ZNF445: variants seen among roughly 807,000 people sequenced by gnomAD.
The protein encoded by ZNF445 is zinc finger protein 168.
In ZNF445, 19 loss-of-function variants were observed where a neutral mutation model predicts 93.9. That is an observed-to-expected ratio of 0.20 (90% CI 0.14 to 0.30). The LOEUF (loss-of-function observed/expected upper bound fraction) is 0.30, where lower values mean the gene tolerates loss of function less well. Among genes scored for constraint, ZNF445 ranks in the 10% least tolerant of loss-of-function variants. The pLI is 1.00. For synonymous variants in ZNF445, 449 were observed against 446.3 expected (o/e 1.01, Z -0.08); for missense variants, 1,058 against 1,259.4 (o/e 0.84, Z 2.42).
rs185276617 is a variant in ZNF445 at position 44,444,654 on chromosome 3, G to A, written c.*1921C>T. On this transcript the variant is annotated 3_prime_UTR_variant, in exon 8 of 8. Coordinates refer to ENST00000396077, the MANE Select transcript of ZNF445 (RefSeq NM_181489.6). ...AACCAAGATGACCAAACCTTCCTGA[G>A]GACAAAGCTGAACAGGCATCAGAAC... 4.6e-5 allele frequency: 7 copies of A among 152,408 alleles called. No homozygotes were observed. Among genetic ancestry groups the A allele is most frequent in the Admixed American group, 3.9e-4 (6 of 15,294 alleles). 9.4% of individuals were successfully genotyped at this position (152,408 alleles called of 1,614,324 possible).
chr3:44,456,705 A>G (rs987279667), intron 2 of ZNF445, among the ~76,000 whole-genome samples: 1 of 152,256 alleles, frequency 6.6e-6, no homozygotes, highest in Non-Finnish European at 1.5e-5. Context: ...ATTCAAAAAC[A>G]AAAACAAAAA....
Position 44,448,311 on chromosome 3 carries a change from G to A in ZNF445, c.1360C>T (p.Leu454=). ...FSLHQRIHSG[L]KGNKKDVCGK... ...CACACGTCCTTTTTGTTCCCTTTCA[G>A]TCCACTATGAATTCTCTGATGTAGG... Residue 454 remains leucine (L), a synonymous_variant, in exon 8 of 8, where the codon CTG becomes TTG. Transcript: ENST00000396077. 1.2e-6 allele frequency: 2 copies of A among 1,614,090 alleles called. No individual in the cohort carries two copies. Among genetic ancestry groups the A allele is most frequent in the South Asian group, 2.2e-5 (2 of 91,072 alleles).
chr3:44,450,675 C>T, intron 5 of ZNF445, 102 bp from the exon 6 acceptor site: 1 of 1,492,648 alleles, frequency 6.7e-7, no homozygotes, highest in Non-Finnish European at 9.0e-7. Context: ...GCAGGATGGA[C>T]CTGGCAAAGG....
At chr3:44,453,248 C>A (rs1463212528) in intron 3 of ZNF445, among the ~76,000 whole-genome samples, 1 of 151,232 alleles carries the variant, frequency 6.6e-6, no homozygotes, top group Non-Finnish European at 1.5e-5. Context: ...TGTGCAGAAT[C>A]ATATATATAT....
In ZNF445 at chr3:44,448,744, C is replaced by CA. The variant is rs774471248; in HGVS notation, c.932-6dup. The CA allele has an allele frequency of 1.1e-5, 17 of 1,602,672 alleles. No homozygotes were observed. Among genetic ancestry groups the CA allele is most frequent in the Non-Finnish European group, 1.4e-5 (17 of 1,176,526 alleles). On this transcript the variant is annotated splice_region_variant and splice_polypyrimidine_tract_variant and intron_variant, in intron 7 of 7. Coordinates refer to ENST00000396077, the MANE Select transcript of ZNF445 (RefSeq NM_181489.6). The stretch of plus-strand genomic sequence containing the variant: ...TTTTACTCTGGAGGTCATCTCCTGA[C>CA]AAAAAATATAACACAAGAGAATGTA...
intron 1 of ZNF445, among the ~76,000 whole-genome samples, chr3:44,468,207 A>G (rs917990655): frequency 6.6e-6 from 1 of 152,140 alleles, no homozygotes; most frequent in Non-Finnish European, 1.5e-5. Context: ...GCCTTTTCCC[A>G]CCTTCATAAC....
chr3:44,452,803 C>T (rs1043261539), intron 3 of ZNF445, among the ~76,000 whole-genome samples: 4 of 151,804 alleles, frequency 2.6e-5, no homozygotes, highest in Non-Finnish European at 4.4e-5. Flanking sequence ...TTAGTTATAC[C>T]CTGTGTCTAT....
intron 1 of ZNF445, among the ~76,000 whole-genome samples, chr3:44,467,903 G>A (rs963029268): frequency 5.9e-5 from 9 of 152,106 alleles, no homozygotes; most frequent in African/African-American, 1.7e-4. Context: ...TAAATTCTTT[G>A]TGGGTTAGAA....
rs1697950165 is a variant in ZNF445 at position 44,451,069 on chromosome 3, A to C, written c.599-107T>G. ...TCCTGGACCCATGAGCAGGTACATA[A>C]TGTTGTTAAATACCCATCTCACATG... On this transcript the variant is annotated intron_variant, in intron 4 of 7. Coordinates refer to ENST00000396077, the MANE Select transcript of ZNF445 (RefSeq NM_181489.6). The C allele has an allele frequency of 1.6e-5, 17 of 1,044,824 alleles. 1 individual carries two copies. In the South Asian group the frequency reaches 2.8e-4, roughly 17 times the overall value. 64.7% of individuals were successfully genotyped at this position (1,044,824 alleles called of 1,614,324 possible).
At chr3:44,473,367 T>C (rs1308457991) in intron 1 of ZNF445, among the ~76,000 whole-genome samples, 1 of 151,180 alleles carries the variant, frequency 6.6e-6, no homozygotes, top group East Asian at 1.9e-4. Flanking sequence ...GGCAGGAGAA[T>C]CGCTTGAACC....
chr3:44,451,551 C>T, intron 3 of ZNF445, 69 bp from the exon 4 acceptor site: 1 of 1,518,698 alleles, frequency 6.6e-7, no homozygotes, highest in East Asian at 2.3e-5. Flanking sequence ...GAAGAGACCA[C>T]ATGACCAATC....
At chr3:44,473,402 C>T (rs375217086) in intron 1 of ZNF445, among the ~76,000 whole-genome samples, 5 of 150,402 alleles carry the variant, frequency 3.3e-5, no homozygotes, top group Admixed American at 6.6e-5. Context: ...TGCAGTGAGC[C>T]GAGATCATGC....
At chr3:44,454,920 C>G (rs1698006757) in intron 3 of ZNF445, 4 of 623,554 alleles carry the variant, frequency 6.4e-6, no homozygotes, top group Non-Finnish European at 1.1e-5. Flanking sequence ...TGATATTCCT[C>G]TGGGAAGGTA....
intron 2 of ZNF445, among the ~76,000 whole-genome samples, chr3:44,456,079 CAT>C (rs1487041634): frequency 6.6e-6 from 1 of 152,088 alleles, no homozygotes; most frequent in African/African-American, 2.4e-5. Flanking sequence ...TTTTTGTAGA[CAT>C]AGATAAATTT....
chr3:44,467,467 T>C (rs1698211098), intron 1 of ZNF445, among the ~76,000 whole-genome samples: 1 of 152,164 alleles, frequency 6.6e-6, no homozygotes, highest in Admixed American at 6.5e-5. Context: ...AGAGTCTCTG[T>C]ACAAGCTTCC....
chr3:44,449,685 A>C, intron 6 of ZNF445, 62 bp from the exon 7 acceptor site: 13 of 1,371,432 alleles, frequency 9.5e-6, no homozygotes, highest in African/African-American at 1.4e-5. Flanking sequence ...ACTCTTCAGG[A>C]CCTCTGGGCC....
At chr3:44,460,906 C>T (rs1183730181) in intron 1 of ZNF445, among the ~76,000 whole-genome samples, 5 of 152,170 alleles carry the variant, frequency 3.3e-5, no homozygotes, top group African/African-American at 1.2e-4. Context: ...GTTCAGTGGC[C>T]CCCCTCCAGC....
intron 2 of ZNF445, among the ~76,000 whole-genome samples, chr3:44,456,532 A>G (rs989551439): frequency 5.3e-5 from 8 of 152,264 alleles, no homozygotes; most frequent in African/African-American, 1.2e-4. Context: ...ACTTATAGCT[A>G]TATTAATCAA....
chr3:44,474,407 G>C (rs983619684), intron 1 of ZNF445, among the ~76,000 whole-genome samples: 1 of 151,974 alleles, frequency 6.6e-6, no homozygotes, highest in African/African-American at 2.4e-5. Context: ...CCAGCTACTC[G>C]AGAGGCTGAG....
Sources: gnomAD v4.1 joint callset for allele counts (sites outside exome capture counted in the v4.1 genomes callset) on GRCh38, gnomAD v4.1.1 for gene constraint, MANE v1.5 for transcripts, NCBI Gene and HGNC (gene_info 2026-07-23, HGNC 2026-07-21) for gene names.